Variants in PAK5 observed in about 807,000 individuals in gnomAD.
PAK5 encodes serine/threonine-protein kinase PAK 5.
Under a neutral mutation model 65.9 loss-of-function variants are expected in PAK5, and 16 were observed. That is an observed-to-expected ratio of 0.24 (90% CI 0.16 to 0.37). PAK5 has a LOEUF of 0.37. PAK5 is among the 10% of genes least tolerant of loss of function. The probability of loss-of-function intolerance (pLI) is 1.00; values close to 1 mark genes in which losing one functional copy is unlikely to be tolerated. For synonymous variants in PAK5, 371 were observed against 354.9 expected (o/e 1.05, Z -0.51); for missense variants, 785 against 903.9 (o/e 0.87, Z 1.69).
intron 6 of PAK5, 74 bp downstream of exon 6, chr20:9,562,817 T>A: frequency 7.2e-7 from 1 of 1,389,494 alleles, no homozygotes; most frequent in Non-Finnish European, 1.0e-6. Context: ...TATGAAGAGT[T>A]CATAGTCACT....
chr20:9,702,479 A>C (rs1444702141), intron 2 of PAK5, among the ~76,000 whole-genome samples: 1 of 152,216 alleles, frequency 6.6e-6, no homozygotes, highest in African/African-American at 2.4e-5. Flanking sequence ...TATTAGAATT[A>C]GCAGGTAGAT....
At chr20:9,750,031 C>T (rs1006867865) in intron 1 of PAK5, among the ~76,000 whole-genome samples, 1 of 152,128 alleles carries the variant, frequency 6.6e-6, no homozygotes, top group African/African-American at 2.4e-5. Flanking sequence ...TTTATAGATC[C>T]TGGCTGTTTA....
At chr20:9,696,871 C>T (rs771938896) in intron 2 of PAK5, among the ~76,000 whole-genome samples, 6 of 151,970 alleles carry the variant, frequency 3.9e-5, no homozygotes, top group Non-Finnish European at 7.4e-5. Flanking sequence ...AGGCAGGGAA[C>T]TTTCTCCAAA....
chr20:9,803,246 G>T (rs1482940968), intron 1 of PAK5, among the ~76,000 whole-genome samples: 3 of 151,982 alleles, frequency 2.0e-5, no homozygotes, highest in Admixed American at 2.0e-4. Flanking sequence ...ACTAGAAATT[G>T]ACATCCAGAA....
intron 2 of PAK5, among the ~76,000 whole-genome samples, chr20:9,656,527 C>T (rs1323873951): frequency 6.6e-6 from 1 of 152,070 alleles, no homozygotes; most frequent in Non-Finnish European, 1.5e-5. Context: ...CTTCTGTATA[C>T]CAAGTACTAT....
At chr20:9,791,986 A>G (rs1194281561) in intron 1 of PAK5, among the ~76,000 whole-genome samples, 1 of 151,948 alleles carries the variant, frequency 6.6e-6, no homozygotes, top group African/African-American at 2.4e-5. Flanking sequence ...CAGATAGAAC[A>G]CCCTCTTCCC....
chr20:9,827,649 C>T (rs1213827267), intron 1 of PAK5, among the ~76,000 whole-genome samples: 2 of 151,978 alleles, frequency 1.3e-5, no homozygotes, highest in East Asian at 3.9e-4. Flanking sequence ...AATGTGGTAG[C>T]TGTATAGAAA....
chr20:9,659,037 A>T (rs2047308381), intron 2 of PAK5, among the ~76,000 whole-genome samples: 2 of 152,106 alleles, frequency 1.3e-5, no homozygotes, highest in South Asian at 2.1e-4. Context: ...GGGTATAAAG[A>T]CTTTAGAAGT....
chr20:9,604,177 C>T (rs757806847), intron 3 of PAK5, among the ~76,000 whole-genome samples: 1 of 152,156 alleles, frequency 6.6e-6, no homozygotes, highest in African/African-American at 2.4e-5. Flanking sequence ...TTGTCAATGA[C>T]AAATATCAGA....
chr20:9,566,437 C>T, intron 4 of PAK5, 53 bp from the exon 5 acceptor site: 2 of 1,546,720 alleles, frequency 1.3e-6, no homozygotes, highest in East Asian at 2.3e-5. Context: ...CTGAATGCCA[C>T]AGCCGAGTGG....
intron 3 of PAK5, among the ~76,000 whole-genome samples, chr20:9,616,700 T>A (rs2046663829): frequency 6.6e-6 from 1 of 152,120 alleles, no homozygotes; most frequent in South Asian, 2.1e-4. Flanking sequence ...TGGGGTGCAG[T>A]GCCCAGACAA....
At chr20:9,647,965 C>T (rs183101763) in intron 2 of PAK5, among the ~76,000 whole-genome samples, 4 of 152,190 alleles carry the variant, frequency 2.6e-5, no homozygotes, top group South Asian at 2.1e-4. Context: ...GACAGATGGA[C>T]GCCTAGTAGG....
At chr20:9,803,965 A>G (rs1423330123) in intron 1 of PAK5, among the ~76,000 whole-genome samples, 3 of 152,310 alleles carry the variant, frequency 2.0e-5, no homozygotes, top group South Asian at 2.1e-4. Flanking sequence ...AAGAAAATTC[A>G]AATATTCATT....
At chr20:9,739,236 T>TC (rs2048424484) in intron 1 of PAK5, among the ~76,000 whole-genome samples, 3 of 151,724 alleles carry the variant, frequency 2.0e-5, no homozygotes, top group African/African-American at 7.2e-5. Flanking sequence ...TTCTTTTTTT[T>TC]TTTTTTAAAT....
Position 9,539,287 on chromosome 20 carries a change from C to T in PAK5, c.*175G>A. 1.6e-6 allele frequency: 1 copy of T among 612,504 alleles called. No individual in the cohort carries two copies. The highest frequency in any genetic ancestry group is 2.2e-5 in the South Asian group (1 of 45,132). The allele number at this position is 612,504 out of a possible 1,614,324, so 37.9% of individuals were successfully genotyped here. A position where few individuals can be genotyped will look rare whatever the true frequency, so the allele number is the denominator to read the frequency against. On this transcript the variant is annotated 3_prime_UTR_variant, in exon 10 of 10. Coordinates refer to ENST00000353224, the MANE Select transcript of PAK5 (RefSeq NM_177990.4). ...ACACCGGCTGTCAGTGGAGAGATGC[C>T]TGTTTAAGACACAAGAAGATGCCCT...
At chr20:9,636,704 A>G (rs1309935621) in intron 3 of PAK5, among the ~76,000 whole-genome samples, 1 of 152,206 alleles carries the variant, frequency 6.6e-6, no homozygotes, top group Non-Finnish European at 1.5e-5. Context: ...TATAGTATAC[A>G]CGAAAAGGGA....
At chr20:9,808,698 C>G (rs993059148) in intron 1 of PAK5, among the ~76,000 whole-genome samples, 5 of 152,044 alleles carry the variant, frequency 3.3e-5, no homozygotes, top group African/African-American at 1.2e-4. Context: ...AGAAAGTAAA[C>G]TGGTAGGAGT....
chr20:9,760,063 C>T (rs1047729598), intron 1 of PAK5, among the ~76,000 whole-genome samples: 3 of 152,116 alleles, frequency 2.0e-5, no homozygotes, highest in Non-Finnish European at 4.4e-5. Flanking sequence ...TAAATTGAAC[C>T]ATGTAGCTGT....
At chr20:9,788,869 A>C (rs1369805054) in intron 1 of PAK5, among the ~76,000 whole-genome samples, 1 of 152,172 alleles carries the variant, frequency 6.6e-6, no homozygotes, top group Non-Finnish European at 1.5e-5. Flanking sequence ...CCTTGAGCCA[A>C]GCAGCTGGGA....
Sources: gnomAD v4.1 joint callset for allele counts (sites outside exome capture counted in the v4.1 genomes callset) on GRCh38, gnomAD v4.1.1 for gene constraint, MANE v1.5 for transcripts, NCBI Gene and HGNC (gene_info 2026-07-23, HGNC 2026-07-21) for gene names.